The following SDK1 variants were observed in gnomAD, a reference collection of about 807,000 sequenced individuals.
SDK1 encodes sidekick cell adhesion molecule 1.
A neutral mutation model predicts 245.5 loss-of-function variants in SDK1; 157 were observed. The ratio of observed to expected loss-of-function variants is 0.64; its 90% CI spans 0.56 to 0.73. The LOEUF (loss-of-function observed/expected upper bound fraction) is 0.73, where lower values mean the gene tolerates loss of function less well. Among genes scored for constraint, SDK1 ranks in the 30% least tolerant of loss-of-function variants. The pLI is 0.00. For synonymous variants in SDK1, 1,647 were observed against 1,278.5 expected, an observed-to-expected ratio of 1.29 and a Z score of -6.15; for missense variants, 3,583 against 3,002.3, an observed-to-expected ratio of 1.19 and a Z score of -4.52.
chr7:3,810,172 T>A (rs922383507), intron 4 of SDK1, among the ~76,000 whole-genome samples: 15 of 152,226 alleles, frequency 9.9e-5, no homozygotes, highest in East Asian at 3.8e-4. Flanking sequence ...CCCCCCCATA[T>A]CTGGAGCAGT....
At chr7:4,027,489 C>T (rs1787448036) in intron 17 of SDK1, among the ~76,000 whole-genome samples, 1 of 152,180 alleles carries the variant, frequency 6.6e-6, no homozygotes, top group Admixed American at 6.5e-5. Context: ...TGGATATTCA[C>T]ATCCACCTGG....
intron 40 of SDK1, among the ~76,000 whole-genome samples, chr7:4,227,866 T>C (rs992574709): frequency 2.0e-5 from 3 of 152,218 alleles, no homozygotes; most frequent in Admixed American, 2.0e-4. Flanking sequence ...GGAACAGATG[T>C]GCCTCCTACC....
chr7:4,180,016 T>A (rs1383661454), intron 35 of SDK1, among the ~76,000 whole-genome samples: 4 of 151,946 alleles, frequency 2.6e-5, no homozygotes, highest in Admixed American at 1.3e-4. Flanking sequence ...TCAGGGCACT[T>A]GGGCAGGCCC....
Position 3,413,455 on chromosome 7 carries a change from G to C in SDK1, c.298+111571G>C, listed in dbSNP as rs1056014866. Reference sequence around the variant, plus strand: ...CACATCTGTAATCCCAGCACTTTGGGAGGCCAAGGCAAGTGGATCACTTGA... The same window carrying C: ...CACATCTGTAATCCCAGCACTTTGGCAGGCCAAGGCAAGTGGATCACTTGA... On this transcript the variant is annotated intron_variant, in intron 1 of 44. Coordinates refer to ENST00000404826, the MANE Select transcript of SDK1 (RefSeq NM_152744.4). Among the ~76,000 whole-genome samples, 29 of 152,210 alleles carry C rather than the reference G, an allele frequency of 1.9e-4. 1 individual carries two copies. Among genetic ancestry groups the C allele is most frequent in the Non-Finnish European group, 4.4e-5 (3 of 68,044 alleles).
intron 5 of SDK1, among the ~76,000 whole-genome samples, chr7:3,897,746 TG>T (rs1781650788): frequency 1.4e-5 from 1 of 71,692 alleles, no homozygotes; most frequent in African/African-American, 4.1e-4. Flanking sequence ...TTTTTACAGC[TG>T]TGTGTGTGTG....
intron 4 of SDK1, among the ~76,000 whole-genome samples, chr7:3,714,577 C>G (rs545123736): frequency 6.6e-6 from 1 of 152,196 alleles, no homozygotes. Flanking sequence ...AGCATTACTA[C>G]ATTGTAACAC....
At chr7:3,382,985 A>G (rs954767484) in intron 1 of SDK1, among the ~76,000 whole-genome samples, 1 of 152,318 alleles carries the variant, frequency 6.6e-6, no homozygotes, top group East Asian at 1.9e-4. Context: ...TTTATCCCCA[A>G]CTTATGAATA....
At chr7:3,754,130 A>T (rs1779852443) in intron 4 of SDK1, among the ~76,000 whole-genome samples, 1 of 152,232 alleles carries the variant, frequency 6.6e-6, no homozygotes, top group Non-Finnish European at 1.5e-5. Context: ...ATGCAGGCTA[A>T]TGAAGTTGGC....
intron 1 of SDK1, among the ~76,000 whole-genome samples, chr7:3,310,980 T>G (rs1012166635): frequency 6.6e-6 from 1 of 152,192 alleles, no homozygotes; most frequent in South Asian, 2.1e-4. Context: ...GTACATAGCA[T>G]GCATCCAGTA....
chr7:3,379,755 A>G (rs949237479), intron 1 of SDK1, among the ~76,000 whole-genome samples: 1 of 152,144 alleles, frequency 6.6e-6, no homozygotes, highest in East Asian at 1.9e-4. Context: ...ACACATACAT[A>G]CATATAGGCT....
chr7:3,680,141 T>C (rs1170896163), intron 4 of SDK1, among the ~76,000 whole-genome samples: 1 of 152,212 alleles, frequency 6.6e-6, no homozygotes, highest in Non-Finnish European at 1.5e-5. Flanking sequence ...AGGCAACGAC[T>C]TGGCTGGATC....
intron 7 of SDK1, among the ~76,000 whole-genome samples, chr7:3,954,690 C>A: frequency 6.8e-6 from 1 of 148,074 alleles, no homozygotes; most frequent in Non-Finnish European, 1.5e-5. Context: ...CTACACTGCA[C>A]CATTCATGGG....
intron 40 of SDK1, among the ~76,000 whole-genome samples, chr7:4,228,755 G>A (rs369088239): frequency 2.1e-3 from 313 of 152,298 alleles, no homozygotes; most frequent in Non-Finnish European, 3.0e-3. Flanking sequence ...GATCAGGCTG[G>A]TCTTGAACTC....
At chr7:3,946,507 G>C (rs1242344975) in intron 5 of SDK1, among the ~76,000 whole-genome samples, 1 of 151,980 alleles carries the variant, frequency 6.6e-6, no homozygotes, top group African/African-American at 2.4e-5. Flanking sequence ...GATAGAGACA[G>C]GGTTTTGCCA....
chr7:3,656,198 C>T (rs1397188078), intron 4 of SDK1, among the ~76,000 whole-genome samples: 2 of 152,198 alleles, frequency 1.3e-5, no homozygotes, highest in East Asian at 1.9e-4. Flanking sequence ...CCCCTCCATC[C>T]TTCCCTTCTC....
chr7:3,721,627 A>G (rs993389120), intron 4 of SDK1, among the ~76,000 whole-genome samples: 2 of 152,136 alleles, frequency 1.3e-5, no homozygotes, highest in Admixed American at 6.5e-5. Flanking sequence ...GGCATCAGCT[A>G]TGTGGGTGTC....
At chr7:4,037,900 A>AT (rs552279217) in intron 17 of SDK1, among the ~76,000 whole-genome samples, 2 of 152,046 alleles carry the variant, frequency 1.3e-5, no homozygotes, top group Non-Finnish European at 2.9e-5. Context: ...AAAACTTATA[A>AT]TTTTTTTCTC....
intron 1 of SDK1, among the ~76,000 whole-genome samples, chr7:3,463,870 T>C (rs1412981923): frequency 2.0e-5 from 3 of 152,224 alleles, no homozygotes; most frequent in Non-Finnish European, 4.4e-5. Context: ...AATTGGCTTC[T>C]TGGACACATT....
intron 1 of SDK1, among the ~76,000 whole-genome samples, chr7:3,530,533 C>T (rs1783306225): frequency 6.6e-6 from 1 of 152,152 alleles, no homozygotes; most frequent in Non-Finnish European, 1.5e-5. Flanking sequence ...TAAAAATTCA[C>T]TCATGCTTTG....
Sources: gnomAD v4.1 joint callset for allele counts (sites outside exome capture counted in the v4.1 genomes callset) on GRCh38, gnomAD v4.1.1 for gene constraint, MANE v1.5 for transcripts, NCBI Gene and HGNC (gene_info 2026-07-23, HGNC 2026-07-21) for gene names.